MARK1: variants seen among roughly 807,000 people sequenced by gnomAD.
MARK1 encodes the protein microtubule affinity regulating kinase 1.
A neutral mutation model predicts 96.3 loss-of-function variants in MARK1; 40 were observed. The observed-to-expected ratio is 0.42, with a 90% CI of 0.32 to 0.54. MARK1 has a LOEUF of 0.54. Ranked by LOEUF, MARK1 falls within the 20% of genes least tolerant of loss-of-function variation. The probability of loss-of-function intolerance (pLI) is 0.16; values close to 1 mark genes in which losing one functional copy is unlikely to be tolerated. For missense variants in MARK1, 719 were observed against 984.6 expected (o/e 0.73, Z 3.61); for synonymous variants, 317 against 341.2 (o/e 0.93, Z 0.78).
At chr1:220,646,633 A>T (rs1053405768) in intron 13 of MARK1, among the ~76,000 whole-genome samples, 2 of 152,214 alleles carry the variant, frequency 1.3e-5, no homozygotes, top group Non-Finnish European at 2.9e-5. Flanking sequence ...CAGAGGCATC[A>T]CGCTATCTGA....
chr1:220,604,237 A>AG, intron 6 of MARK1, 100 bp downstream of exon 6: 1 of 596,168 alleles, frequency 1.7e-6, no homozygotes, highest in Non-Finnish European at 2.9e-6. Context: ...TATTTTAAAA[A>AG]GAAGAATTCC....
chr1:220,598,978 CA>C (rs987338333), intron 4 of MARK1, among the ~76,000 whole-genome samples: 7 of 149,388 alleles, frequency 4.7e-5, no homozygotes, highest in African/African-American at 1.5e-4. Flanking sequence ...GACCCTGTCT[CA>C]AAAAAAAGTC....
At position 220,653,237 on chromosome 1, in the gene MARK1, GT is replaced by G. The variant is rs1320139155; in HGVS notation, c.1875del (p.Ala626LeufsTer27). ...TGAACAGCTCCGGGAGCGACGCAGC[GT>G]TGCTTATAATGGGCCACCTGCTTCA... Reference protein sequence around the residue: ...HGEQLRERRSVAYNGPPASPS... With the variant: ...HGEQLRERRSXAYNGPPASPS... On this transcript the variant is annotated frameshift_variant, in exon 16 of 18. Coordinates refer to ENST00000366917, the MANE Select transcript of MARK1 (RefSeq NM_018650.5). LOFTEE classifies it high-confidence loss of function. 6.2e-7 allele frequency: 1 copy of G among 1,614,046 alleles called. No individual in the cohort carries two copies. Among genetic ancestry groups the G allele is most frequent in the Non-Finnish European group, 8.5e-7 (1 of 1,180,046 alleles).
At chr1:220,604,754 A>T (rs1466206437) in intron 6 of MARK1, among the ~76,000 whole-genome samples, 1 of 152,020 alleles carries the variant, frequency 6.6e-6, no homozygotes, top group African/African-American at 2.4e-5. Flanking sequence ...TAATTTTTAG[A>T]ACTGAAGTGA....
rs1668971347 is a variant in MARK1, at chr1:220,653,089, T to C, written c.1737-12T>C. 1 of 1,612,992 alleles carries C rather than the reference T, an allele frequency of 6.2e-7. No homozygotes were observed. The highest frequency in any genetic ancestry group is 8.5e-7 in the Non-Finnish European group (1 of 1,179,040). On this transcript the variant is annotated splice_polypyrimidine_tract_variant and intron_variant, in intron 15 of 17. Transcript: ENST00000366917. Reference sequence around the variant, plus strand: ...ATTATTCTGAATGATATATCTTAATTTGTCCCAGCAGTACAACCCAGAGAG... The same window carrying C: ...ATTATTCTGAATGATATATCTTAATCTGTCCCAGCAGTACAACCCAGAGAG...
intron 6 of MARK1, among the ~76,000 whole-genome samples, chr1:220,607,592 C>T (rs933795792): frequency 6.6e-6 from 1 of 151,708 alleles, no homozygotes; most frequent in Non-Finnish European, 1.5e-5. Context: ...ACATCCCTGT[C>T]GTGTGCCGGT....
intron 1 of MARK1, among the ~76,000 whole-genome samples, chr1:220,578,348 A>C (rs2102833192): frequency 6.6e-6 from 1 of 152,282 alleles, no homozygotes; most frequent in Middle Eastern, 3.4e-3. Flanking sequence ...TTGACCTGGG[A>C]ATTTAGGTGT....
chr1:220,572,351 C>T (rs1054350093), intron 1 of MARK1, among the ~76,000 whole-genome samples: 2 of 152,170 alleles, frequency 1.3e-5, no homozygotes, highest in Non-Finnish European at 2.9e-5. Flanking sequence ...AAGCAATTCT[C>T]CTGCCTTAGC....
Position 220,528,332 on chromosome 1 carries a change from G to A in MARK1, c.-491G>A, listed in dbSNP as rs1660049170. ...GCCCCGGGCGCGTGGATGCGGCTGG[G>A]TCGGGCGGCGCCGTACACCTGAGGC... is the stretch of plus-strand genomic sequence containing the variant. On this transcript the variant is annotated 5_prime_UTR_variant, in exon 1 of 18. Coordinates refer to ENST00000366917, the MANE Select transcript of MARK1 (RefSeq NM_018650.5). 1 of 152,208 alleles carries A rather than the reference G, an allele frequency of 6.6e-6. No individual in the cohort carries two copies. The highest frequency in any genetic ancestry group is 1.5e-5 in the Non-Finnish European group (1 of 68,232). 9.4% of individuals were successfully genotyped at this position (152,208 alleles called of 1,614,324 possible).
chr1:220,626,849 A>T (rs1276326623), intron 9 of MARK1: 1 of 414,794 alleles, frequency 2.4e-6, no homozygotes, highest in South Asian at 2.1e-5. Flanking sequence ...TGAGGGGGGC[A>T]TGCCAAGTGT....
chr1:220,547,038 T>C (rs1661549289), intron 1 of MARK1, among the ~76,000 whole-genome samples: 1 of 152,006 alleles, frequency 6.6e-6, no homozygotes, highest in Admixed American at 6.6e-5. Flanking sequence ...AGCAAAAAGC[T>C]ATGGATAAGC....
At chr1:220,573,544 C>T (rs909014758) in intron 1 of MARK1, among the ~76,000 whole-genome samples, 4 of 151,984 alleles carry the variant, frequency 2.6e-5, no homozygotes, top group South Asian at 2.1e-4. Context: ...AGGATGGTCT[C>T]GATCTCCTGA....
intron 3 of MARK1, among the ~76,000 whole-genome samples, chr1:220,589,563 C>CAAAG (rs150351998): frequency 2.0e-5 from 3 of 152,124 alleles, no homozygotes; most frequent in African/African-American, 7.2e-5. Context: ...AAGAAGGAAA[C>CAAAG]AAAGACCTCT....
intron 1 of MARK1, among the ~76,000 whole-genome samples, chr1:220,558,435 T>TAA (rs141835103): frequency 6.6e-6 from 1 of 151,336 alleles, no homozygotes; most frequent in African/African-American, 2.4e-5. Context: ...CTCTCTTATT[T>TAA]AAAAAAATAG....
chr1:220,556,659 G>T (rs1477623780), intron 1 of MARK1, among the ~76,000 whole-genome samples: 1 of 152,000 alleles, frequency 6.6e-6, no homozygotes, highest in Non-Finnish European at 1.5e-5. Flanking sequence ...AGTTTTAAAG[G>T]CAGTAATAAA....
intron 15 of MARK1, among the ~76,000 whole-genome samples, chr1:220,652,608 T>C (rs925240773): frequency 3.9e-5 from 6 of 152,224 alleles, no homozygotes; most frequent in Admixed American, 3.9e-4. Context: ...TATAATTGTT[T>C]TTCTAGTATT....
At chr1:220,575,611 A>C (rs73093530) in intron 1 of MARK1, among the ~76,000 whole-genome samples, 1 of 152,116 alleles carries the variant, frequency 6.6e-6, no homozygotes. Flanking sequence ...GTTTTGGTGG[A>C]TATCTTATAA....
chr1:220,574,557 C>T (rs1468155887), intron 1 of MARK1, among the ~76,000 whole-genome samples: 1 of 152,126 alleles, frequency 6.6e-6, no homozygotes, highest in African/African-American at 2.4e-5. Flanking sequence ...AGTTTGCCCC[C>T]AGCTCGAAAC....
intron 1 of MARK1, among the ~76,000 whole-genome samples, chr1:220,549,953 T>C (rs1484927497): frequency 6.6e-6 from 1 of 152,212 alleles, no homozygotes; most frequent in African/African-American, 2.4e-5. Context: ...ACCAAAATGA[T>C]GAGAAAGTTC....
Sources: gnomAD v4.1 joint callset for allele counts (sites outside exome capture counted in the v4.1 genomes callset) on GRCh38, gnomAD v4.1.1 for gene constraint, MANE v1.5 for transcripts, NCBI Gene and HGNC (gene_info 2026-07-23, HGNC 2026-07-21) for gene names.